The following MFAP3L variants were observed in gnomAD, a reference collection of about 807,000 sequenced individuals.
MFAP3L encodes microfibrillar-associated protein 3-like.
Under a neutral mutation model 20.0 loss-of-function variants are expected in MFAP3L, and 5 were observed. The observed-to-expected ratio is 0.25, with a 90% confidence interval of 0.13 to 0.53. The LOEUF (loss-of-function observed/expected upper bound fraction) is 0.53, where lower values mean the gene tolerates loss of function less well. Among genes scored for constraint, MFAP3L ranks in the 20% least tolerant of loss-of-function variants. The pLI, the probability that MFAP3L is intolerant of heterozygous loss-of-function variation, is 0.96. For synonymous variants in MFAP3L, 219 were observed against 213.0 expected (o/e 1.03, Z -0.25); for missense variants, 409 against 527.5 (o/e 0.78, Z 2.20).
chr4:169,992,410 A>G lies in MFAP3L; in HGVS notation c.299-101T>C. The G allele has an allele frequency of 9.4e-7, 1 of 1,068,178 alleles. No homozygotes were observed. The highest frequency in any genetic ancestry group is 1.6e-5 in the African/African-American group (1 of 63,008). 66.2% of individuals were successfully genotyped at this position (1,068,178 alleles called of 1,614,324 possible). On this transcript the variant is annotated intron_variant, in intron 2 of 2. Coordinates refer to ENST00000361618, the MANE Select transcript of MFAP3L (RefSeq NM_021647.8). This position sits in a 1 kb window ranked among gnomAD's most constrained non-coding sequence, Gnocchi z 4.3. ...ACATCTATGAACATCTATGAAGAAC[A>G]TCTATGAAGTCTATGAACGTCGACT... is the stretch of plus-strand genomic sequence containing the variant.
chr4:170,025,826 C>T (rs1469608218), intron 1 of MFAP3L, among the ~76,000 whole-genome samples: 1 of 152,202 alleles, frequency 6.6e-6, no homozygotes, highest in Non-Finnish European at 1.5e-5. Context: ...GCGCACGCTC[C>T]TCCCTGTCCG....
intron 1 of MFAP3L, among the ~76,000 whole-genome samples, chr4:170,008,841 C>T (rs1470739014): frequency 3.9e-5 from 6 of 152,192 alleles, no homozygotes; most frequent in Non-Finnish European, 7.3e-5. Flanking sequence ...ACAAGGACAG[C>T]TCCTGGATAG....
chr4:170,024,584 TA>T (rs1304166661), intron 1 of MFAP3L, among the ~76,000 whole-genome samples: 1 of 152,272 alleles, frequency 6.6e-6, no homozygotes, highest in Non-Finnish European at 1.5e-5. Flanking sequence ...CTTATTTTTC[TA>T]TAAATGTATT....
In MFAP3L at chr4:169,991,417, A is replaced by T. The variant is rs1474087345; in HGVS notation, c.1191T>A (p.His397Gln). ...CGTAAATAATGCAGGTGTTTTTGTC[A>T]TGTGTCACTGCTGGCTCTGTGGCTT... ...YLEATEPAVT[H>Q]DKNTCIIYES... The change falls in exon 3 of 3, where the codon CAT becomes CAA. Residue 397 changes from histidine (H) to glutamine (Q), a missense_variant. His to Gln is a conservative substitution (Grantham distance 24). Around this residue, in one of 3 missense-constraint regions of MFAP3L, gnomAD observed 169 missense variants for 178.2 expected, o/e 0.95. Transcript: ENST00000361618. This position sits in a 1 kb window ranked among gnomAD's most constrained non-coding sequence, Gnocchi z 4.9. The T allele has an allele frequency of 6.2e-7, 1 of 1,613,964 alleles. No individual in the cohort carries two copies. Among genetic ancestry groups the T allele is most frequent in the East Asian group, 2.2e-5 (1 of 44,862 alleles).
chr4:170,001,899 A>G (rs1738648483), intron 2 of MFAP3L: 1 of 983,676 alleles, frequency 1.0e-6, no homozygotes, highest in South Asian at 4.7e-5. Flanking sequence ...TGCTCCTGCC[A>G]ATGACAGGAA....
At position 170,005,959 on chromosome 4, in the gene MFAP3L, G is replaced by T; in HGVS notation, c.-82C>A. ...TCAGACAACACACTGTTCACAGCAG[G>T]TCATGGGACAAACCTGTCCTGGGTC... On this transcript the variant is annotated 5_prime_UTR_variant, in exon 2 of 3. Transcript: ENST00000361618. 1 of 1,516,402 alleles carries T rather than the reference G, an allele frequency of 6.6e-7. No individual in the cohort carries two copies. 93.9% of individuals were successfully genotyped at this position (1,516,402 alleles called of 1,614,324 possible).
Position 169,991,226 on chromosome 4 carries a change from T to C in MFAP3L, c.*152A>G, listed in dbSNP as rs1560960608. The stretch of plus-strand genomic sequence containing the variant: ...CTGGGGAAATTCCAGTCCCATTCAC[T>C]GCAGGCAGGTGTTTCTCCTTTTAAA... On this transcript the variant is annotated 3_prime_UTR_variant, in exon 3 of 3. Transcript: ENST00000361618. This position sits in a 1 kb window ranked among gnomAD's most constrained non-coding sequence, Gnocchi z 4.9. 1 of 771,318 alleles carries C rather than the reference T, an allele frequency of 1.3e-6. No individual in the cohort carries two copies. The highest frequency in any genetic ancestry group is 1.7e-5 in the African/African-American group (1 of 57,178). 47.8% of individuals were successfully genotyped at this position (771,318 alleles called of 1,614,324 possible).
intron 2 of MFAP3L, among the ~76,000 whole-genome samples, chr4:169,994,809 G>A (rs1738015231): frequency 6.6e-6 from 1 of 152,162 alleles, no homozygotes; most frequent in African/African-American, 2.4e-5. Context: ...AGCACATTGG[G>A]TCCACAGACT....
intron 1 of MFAP3L, among the ~76,000 whole-genome samples, chr4:170,024,555 T>C (rs995496924): frequency 2.0e-5 from 3 of 152,340 alleles, no homozygotes; most frequent in African/African-American, 2.4e-5. Context: ...TATTCAATAT[T>C]TGTGTTGGAG....
Position 170,005,657 on chromosome 4 carries a change from G to A in MFAP3L, c.221C>T (p.Pro74Leu), listed in dbSNP as rs1362364547. Reference sequence around the variant, plus strand: ...ATTATACCACTTGAACTGTGGGTCAGGGATGCCATAAACACTACAGTTAAT... The same window carrying A: ...ATTATACCACTTGAACTGTGGGTCAAGGATGCCATAAACACTACAGTTAAT... ...ALINCSVYGI[P>L]DPQFKWYNSI... The change falls in exon 2 of 3, where the codon CCT becomes CTT. Residue 74 changes from proline (P) to leucine (L), a missense_variant. Transcript: ENST00000361618. The A allele has an allele frequency of 6.2e-7, 1 of 1,614,194 alleles. No individual in the cohort carries two copies. The highest frequency in any genetic ancestry group is 8.5e-7 in the Non-Finnish European group (1 of 1,180,042).
At position 169,991,479 on chromosome 4, in the gene MFAP3L, C is replaced by T. The variant is rs369043041; in HGVS notation, c.1129G>A (p.Glu377Lys). ...GGCGGCAGTACCTTATCTGGTACCT[C>T]AACAGGTGTTGGCTCTTCAGATGTT... ...ELTSEEPTPVEVPDKVLPPAY... is the reference protein window; with the variant it reads ...ELTSEEPTPVKVPDKVLPPAY... Residue 377 changes from glutamate to lysine, a missense_variant, in exon 3 of 3, where the codon GAG (glutamate) becomes AAG (lysine). Around this residue, in one of 3 missense-constraint regions of MFAP3L, gnomAD observed 169 missense variants for 178.2 expected, o/e 0.95. Coordinates refer to ENST00000361618, the MANE Select transcript of MFAP3L (RefSeq NM_021647.8). The surrounding 1 kb of genome is among the most constrained non-coding windows in gnomAD (Gnocchi z 4.9). The T allele has an allele frequency of 2.5e-5, 40 of 1,614,098 alleles. No individual in the cohort carries two copies. In the African/African-American group the frequency reaches 5.1e-4, roughly 20 times the overall value.
At chr4:169,996,934 C>G (rs1011503825) in intron 2 of MFAP3L, among the ~76,000 whole-genome samples, 1 of 152,136 alleles carries the variant, frequency 6.6e-6, no homozygotes, top group Non-Finnish European at 1.5e-5. Flanking sequence ...CACATTTAGC[C>G]CAGTTAAGAC....
At chr4:170,012,771 A>G (rs1472063685) in intron 1 of MFAP3L, among the ~76,000 whole-genome samples, 4 of 152,182 alleles carry the variant, frequency 2.6e-5, no homozygotes, top group Admixed American at 6.5e-5. Context: ...GCACTTATTA[A>G]TTGTGTAGTG....
intron 2 of MFAP3L, among the ~76,000 whole-genome samples, chr4:170,004,802 C>T (rs1034310294): frequency 2.6e-5 from 4 of 152,066 alleles, no homozygotes; most frequent in African/African-American, 7.2e-5. Context: ...CTTTTCACTC[C>T]CCCACCCCAA....
At chr4:170,002,010 T>C (rs972785633) in intron 2 of MFAP3L, 1 of 985,448 alleles carries the variant, frequency 1.0e-6, no homozygotes, top group South Asian at 4.7e-5. Context: ...TCCAGGCTAA[T>C]CACAAAGTGA....
At chr4:170,024,233 A>C (rs548264309) in intron 1 of MFAP3L, among the ~76,000 whole-genome samples, 4 of 152,320 alleles carry the variant, frequency 2.6e-5, no homozygotes, top group African/African-American at 7.2e-5. Context: ...GTATGTAAGT[A>C]AGTCTTTGAT....
chr4:170,022,528 G>A (rs773520755), intron 1 of MFAP3L, among the ~76,000 whole-genome samples: 1 of 152,160 alleles, frequency 6.6e-6, no homozygotes, highest in Non-Finnish European at 1.5e-5. Context: ...GGATATGGCT[G>A]TATTTGCTTT....
chr4:170,006,001 G>C lies in MFAP3L; in HGVS notation c.-124C>G. On this transcript the variant is annotated 5_prime_UTR_variant, in exon 2 of 3. Coordinates refer to ENST00000361618, the MANE Select transcript of MFAP3L (RefSeq NM_021647.8). ...TCCTGGGTCCATAGAGTTGGTACTT[G>C]AGCAAGAACCTGTTTTTAAGAAAAC... is the stretch of plus-strand genomic sequence containing the variant. 2.8e-6 allele frequency: 4 copies of C among 1,440,360 alleles called. No homozygotes were observed. In the Middle Eastern group the frequency reaches 7.3e-4, roughly 262 times the overall value. 89.2% of individuals were successfully genotyped at this position (1,440,360 alleles called of 1,614,324 possible).
intron 2 of MFAP3L, among the ~76,000 whole-genome samples, chr4:169,998,140 G>A (rs540757790): frequency 6.6e-6 from 1 of 152,370 alleles, no homozygotes; most frequent in African/African-American, 2.4e-5. Context: ...TCCACACCGG[G>A]AAGGCAGCTG....
Sources: gnomAD v4.1 joint callset for allele counts (sites outside exome capture counted in the v4.1 genomes callset) on GRCh38, gnomAD v4.1.1 for gene constraint, gnomAD v4.1.1 regional missense constraint, Gnocchi (gnomAD v3.1) non-coding constraint, MANE v1.5 for transcripts, NCBI Gene and HGNC (gene_info 2026-07-23, HGNC 2026-07-21) for gene names.